Variants in GATM observed in about 807,000 individuals in gnomAD.
GATM encodes glycine amidinotransferase, mitochondrial.
GATM carries 23 observed loss-of-function variants against 54.2 expected under a neutral mutation model. That is an observed-to-expected ratio of 0.42 (90% confidence interval 0.31 to 0.60). The LOEUF (loss-of-function observed/expected upper bound fraction) is 0.60, where lower values mean the gene tolerates loss of function less well. Among genes scored for constraint, GATM ranks in the 20% least tolerant of loss-of-function variants. The pLI, the probability that GATM is intolerant of heterozygous loss-of-function variation, is 0.14. For synonymous variants in GATM, 168 were observed against 183.1 expected (o/e 0.92, Z 0.67); for missense variants, 401 against 544.9 (o/e 0.74, Z 2.63).
intron 2 of GATM, chr15:45,373,340 AC>A (rs1889574489): frequency 1.3e-5 from 2 of 152,178 alleles, no homozygotes; most frequent in South Asian, 4.2e-4. Context: ...TACTAAAAAT[AC>A]AAAAAAAACA....
chr15:45,369,569 G>A (rs1385612285), intron 2 of GATM, 48 bp from the exon 3 acceptor site: 2 of 1,524,776 alleles, frequency 1.3e-6, no homozygotes, highest in African/African-American at 2.8e-5. Context: ...GAAAAATACA[G>A]CTCATGATAG....
chr15:45,363,379 A>T (rs1335600071), intron 8 of GATM, among the ~76,000 whole-genome samples: 2 of 152,226 alleles, frequency 1.3e-5, no homozygotes, highest in Non-Finnish European at 2.9e-5. Context: ...CAGGATAAGT[A>T]AACTACTTAA....
At chr15:45,395,572 T>C (rs1889918460) in intron 3 of GATM, among the ~76,000 whole-genome samples, 2 of 152,088 alleles carry the variant, frequency 1.3e-5, no homozygotes, top group Non-Finnish European at 2.9e-5. Context: ...CTTTAAACAA[T>C]TGTCTAGCAA....
chr15:45,378,331 C>A (rs1889677827), intron 1 of GATM, 54 bp downstream of exon 1: 3 of 1,409,360 alleles, frequency 2.1e-6, no homozygotes, highest in Non-Finnish European at 2.9e-6. Flanking sequence ...TCCACGCCGC[C>A]CGCAGGATCG....
At chr15:45,398,458 A>G (rs1281740148) in intron 2 of GATM, among the ~76,000 whole-genome samples, 2 of 152,232 alleles carry the variant, frequency 1.3e-5, no homozygotes, top group Non-Finnish European at 2.9e-5. Flanking sequence ...TTCTGATTCT[A>G]TAACTTATTC....
At chr15:45,387,748 A>G (rs1889819572) in intron 3 of GATM, among the ~76,000 whole-genome samples, 1 of 152,196 alleles carries the variant, frequency 6.6e-6, no homozygotes, top group East Asian at 1.9e-4. Flanking sequence ...TGTTTGAGAG[A>G]GGCATATTTA....
intron 4 of GATM, 36 bp from the exon 5 acceptor site, chr15:45,366,544 G>C (rs1889451164): frequency 1.2e-6 from 2 of 1,611,378 alleles, no homozygotes; most frequent in South Asian, 1.1e-5. Context: ...ACAATGCACT[G>C]GATCATGAGA....
intron 3 of GATM, among the ~76,000 whole-genome samples, chr15:45,384,524 G>T (rs1285551146): frequency 6.6e-6 from 1 of 152,172 alleles, no homozygotes; most frequent in African/African-American, 2.4e-5. Context: ...TGTAGTCAAA[G>T]AAGGGACAGC....
chr15:45,373,933 C>T (rs1236728398), intron 2 of GATM, among the ~76,000 whole-genome samples: 3 of 152,184 alleles, frequency 2.0e-5, no homozygotes, highest in Non-Finnish European at 4.4e-5. Flanking sequence ...GAAATCAATA[C>T]TGCTAATGTT....
At position 45,378,507 on chromosome 15, in the gene GATM, CG is replaced by C; in HGVS notation, c.-55del. 3.1e-6 allele frequency: 4 copies of C among 1,287,834 alleles called. No homozygotes were observed. The highest frequency in any genetic ancestry group is 4.0e-6 in the Non-Finnish European group (4 of 1,011,510). The allele number at this position is 1,287,834 out of a possible 1,614,324, so 79.8% of individuals were successfully genotyped here. On this transcript the variant is annotated 5_prime_UTR_variant, in exon 1 of 9. Transcript: ENST00000396659. Reference sequence around the variant, plus strand: ...AATGTTCCTGGCCTCTGGGCCGCGTCGGTCCAAGCCTTCCCGAGAGCGCGCC... The same window carrying C: ...AATGTTCCTGGCCTCTGGGCCGCGTCGTCCAAGCCTTCCCGAGAGCGCGCC...
chr15:45,364,486 G>GACCGCACA, intron 7 of GATM: 1 of 345,456 alleles, frequency 2.9e-6, no homozygotes, highest in South Asian at 3.2e-5. Flanking sequence ...AGTGAGCTGT[G>GACCGCACA]ACTGCACAAC....
chr15:45,364,863 G>A lies in GATM; in HGVS notation c.979-3C>T. On this transcript the variant is annotated splice_region_variant and splice_polypyrimidine_tract_variant and intron_variant, in intron 6 of 8. Transcript: ENST00000396659. Reference sequence around the variant, plus strand: ...CCTGCTTTCTTGAAAAGATCAATCTGTAAGACCAAAAAAAACCCCCAAAAC... The same window carrying A: ...CCTGCTTTCTTGAAAAGATCAATCTATAAGACCAAAAAAAACCCCCAAAAC... 1 of 1,613,388 alleles carries A rather than the reference G, an allele frequency of 6.2e-7. No homozygotes were observed. The highest frequency in any genetic ancestry group is 8.5e-7 in the Non-Finnish European group (1 of 1,179,568).
At chr15:45,392,108 T>A (rs1014213904) in intron 3 of GATM, among the ~76,000 whole-genome samples, 2 of 152,252 alleles carry the variant, frequency 1.3e-5, no homozygotes, top group East Asian at 3.8e-4. Context: ...CATAGAGTTA[T>A]GATTAAATGA....
At chr15:45,396,566 T>G (rs1031859705) in intron 3 of GATM, among the ~76,000 whole-genome samples, 8 of 152,052 alleles carry the variant, frequency 5.3e-5, no homozygotes, top group African/African-American at 1.7e-4. Context: ...TATGGTATAG[T>G]CAGTCTTAAG....
Position 45,368,603 on chromosome 15 carries a change from C to T in GATM, c.485-343G>A, listed in dbSNP as rs1201176898. 6.6e-6 allele frequency among the ~76,000 whole-genome samples: 1 copy of T among 151,844 alleles called. No individual in the cohort carries two copies. Among genetic ancestry groups the T allele is most frequent in the Non-Finnish European group, 1.5e-5 (1 of 67,952 alleles). On this transcript the variant is annotated intron_variant, in intron 3 of 8. Coordinates refer to ENST00000396659, the MANE Select transcript of GATM (RefSeq NM_001482.3). The surrounding 1 kb of genome is among the most constrained non-coding windows in gnomAD (Gnocchi z 5.1). ...CTCCAGCCTGGGCGACAGAGTGAGA[C>T]TCTGTCTCAAACAAACAAACAAAAA...
chr15:45,367,152 C>A (rs1236534496), intron 4 of GATM, among the ~76,000 whole-genome samples: 1 of 152,062 alleles, frequency 6.6e-6, no homozygotes, highest in Admixed American at 6.6e-5. Context: ...ACCAGCCTGG[C>A]CAACATGGTG....
At chr15:45,379,159 A>C (rs943679895), upstream of GATM, 1 of 152,196 alleles carries the variant, frequency 6.6e-6, no homozygotes, top group Non-Finnish European at 1.5e-5. Flanking sequence ...CGTCATGAAA[A>C]TCGACAAGTG....
chr15:45,389,057 T>C (rs1427969813), intron 3 of GATM, among the ~76,000 whole-genome samples: 1 of 152,236 alleles, frequency 6.6e-6, no homozygotes, highest in Non-Finnish European at 1.5e-5. Flanking sequence ...TATAAAATAG[T>C]TGGAATATGA....
In GATM at chr15:45,366,123, G is replaced by C; in HGVS notation, c.901C>G (p.Pro301Ala). The change falls in exon 6 of 9, where the codon CCC becomes GCC. Residue 301 changes from proline (P) to alanine (A), a missense_variant. By Grantham distance (27) the Pro-to-Ala change is conservative. Transcript: ENST00000396659. ...TTGAAGGTAGCATCAATATGCATGG[G>C]ATTGGGATCTTTAAAGGAGATGATA... is the stretch of plus-strand genomic sequence containing the variant. ...VHIISFKDPNPMHIDATFNII... is the reference protein window; with the variant it reads ...VHIISFKDPNAMHIDATFNII... The C allele has an allele frequency of 1.2e-6, 2 of 1,614,008 alleles. No individual in the cohort carries two copies. The highest frequency in any genetic ancestry group is 1.7e-6 in the Non-Finnish European group (2 of 1,179,896).
Sources: gnomAD v4.1 joint callset for allele counts (sites outside exome capture counted in the v4.1 genomes callset) on GRCh38, gnomAD v4.1.1 for gene constraint, Gnocchi (gnomAD v3.1) non-coding constraint, MANE v1.5 for transcripts, NCBI Gene and HGNC (gene_info 2026-07-23, HGNC 2026-07-21) for gene names.